The following SHROOM3 variants were observed in gnomAD, a reference collection of about 807,000 sequenced individuals.
SHROOM3 encodes shroom family member 3.
Under a neutral mutation model 138.6 loss-of-function variants are expected in SHROOM3, and 47 were observed. The observed-to-expected ratio is 0.34, with a 90% CI of 0.27 to 0.43. SHROOM3 has a LOEUF of 0.43. SHROOM3 is among the 20% of genes least tolerant of loss of function. The pLI is 1.00. For synonymous variants in SHROOM3, 1,062 were observed against 1,063.3 expected, an observed-to-expected ratio of 1.00 and a Z score of 0.02; for missense variants, 2,491 against 2,596.5, an observed-to-expected ratio of 0.96 and a Z score of 0.88.
chr4:76,763,125 C>G (rs1722038299), intron 9 of SHROOM3, among the ~76,000 whole-genome samples: 1 of 152,176 alleles, frequency 6.6e-6, no homozygotes. Flanking sequence ...GTGGCTCACA[C>G]CTGTAATCCC....
chr4:76,458,650 A>G (rs1300671252), intron 1 of SHROOM3, among the ~76,000 whole-genome samples: 33 of 152,160 alleles, frequency 2.2e-4, no homozygotes, highest in Admixed American at 2.2e-3. Flanking sequence ...CTACACATAT[A>G]CTTTTAAGAA....
intron 2 of SHROOM3, among the ~76,000 whole-genome samples, chr4:76,635,818 T>C (rs927275332): frequency 6.6e-6 from 1 of 152,170 alleles, no homozygotes. Flanking sequence ...ATCATCAGGG[T>C]TGGCAAAAGC....
chr4:76,572,679 A>G (rs1414944167), intron 2 of SHROOM3, among the ~76,000 whole-genome samples: 1 of 152,360 alleles, frequency 6.6e-6, no homozygotes, highest in Admixed American at 6.5e-5. Flanking sequence ...GGCATGTTTT[A>G]GGGGCAGCTC....
intron 1 of SHROOM3, among the ~76,000 whole-genome samples, chr4:76,491,064 C>G (rs918107122): frequency 2.6e-5 from 4 of 152,162 alleles, no homozygotes; most frequent in African/African-American, 9.7e-5. Flanking sequence ...GATGGTTTGG[C>G]AACTTTTGAA....
chr4:76,741,144 G>A lies in SHROOM3; in HGVS notation c.2971G>A (p.Ala991Thr). 3 of 1,563,770 alleles carry A rather than the reference G, an allele frequency of 1.9e-6. No homozygotes were observed. The highest frequency in any genetic ancestry group is 2.6e-6 in the Non-Finnish European group (3 of 1,155,402). The change falls in exon 5 of 11, where the codon GCT (alanine) becomes ACT (threonine). Residue 991 changes from alanine to threonine, a missense_variant. This residue lies in a region of SHROOM3 where 1,733 missense variants were observed against 1,661.6 expected (regional missense o/e 1.04). Transcript: ENST00000296043. The surrounding 1 kb of genome is among the most constrained non-coding windows in gnomAD (Gnocchi z 6.2). ...CCGGGAGCGGCACAGCGTGACCCCT[G>A]CTGAGGGCGACCTGGCCAGGCCCGT... ...TPRERHSVTP[A>T]EGDLARPVPP...
intron 9 of SHROOM3, among the ~76,000 whole-genome samples, chr4:76,767,291 C>G (rs1298976904): frequency 6.6e-6 from 1 of 152,156 alleles, no homozygotes; most frequent in African/African-American, 2.4e-5. Context: ...TGAGTTCTCT[C>G]CTCTCATCAC....
At chr4:76,531,281 A>G (rs979678067) in intron 1 of SHROOM3, among the ~76,000 whole-genome samples, 1 of 152,192 alleles carries the variant, frequency 6.6e-6, no homozygotes, top group African/African-American at 2.4e-5. Flanking sequence ...CCAAATAAAA[A>G]AATATATAAA....
intron 1 of SHROOM3, among the ~76,000 whole-genome samples, chr4:76,468,307 T>C (rs1731289312): frequency 6.6e-6 from 1 of 152,194 alleles, no homozygotes; most frequent in South Asian, 2.1e-4. Context: ...GAATTACAAA[T>C]TCACATTTTC....
intron 2 of SHROOM3, among the ~76,000 whole-genome samples, chr4:76,708,501 C>A (rs759064587): frequency 1.3e-5 from 2 of 152,118 alleles, no homozygotes; most frequent in South Asian, 2.1e-4. Context: ...TTTCCCCCAA[C>A]AAACAAAGTT....
chr4:76,770,868 C>T lies in SHROOM3; in HGVS notation c.5592C>T (p.Gly1864=), dbSNP rs1722336503. Residue 1864 remains glycine (G), a synonymous_variant, in exon 10 of 11, where the codon GGC becomes GGT. Coordinates refer to ENST00000296043, the MANE Select transcript of SHROOM3 (RefSeq NM_020859.4). ...RLARVENVLS[G]LGEDASNEER... ...CCCGTGTTGAGAATGTCCTTAGCGG[C>T]CTTGGTGAAGATGCCAGTAATGAAG... 3 of 1,614,192 alleles carry T rather than the reference C, an allele frequency of 1.9e-6. No homozygotes were observed. Among genetic ancestry groups the T allele is most frequent in the East Asian group, 4.5e-5 (2 of 44,884 alleles).
intron 2 of SHROOM3, among the ~76,000 whole-genome samples, chr4:76,700,787 T>G (rs939591972): frequency 1.3e-5 from 2 of 151,882 alleles, no homozygotes; most frequent in Admixed American, 6.6e-5. Context: ...TTTTATTTAT[T>G]TATTTATTTT....
At chr4:76,491,331 T>C (rs1731845379) in intron 1 of SHROOM3, among the ~76,000 whole-genome samples, 1 of 152,214 alleles carries the variant, frequency 6.6e-6, no homozygotes, top group Non-Finnish European at 1.5e-5. Context: ...TCTTGGCCTG[T>C]GTTGGTGGCA....
intron 6 of SHROOM3, among the ~76,000 whole-genome samples, chr4:76,750,648 C>G (rs995773139): frequency 6.6e-6 from 1 of 152,106 alleles, no homozygotes; most frequent in African/African-American, 2.4e-5. Context: ...TGTACATGTA[C>G]TCCTTGAACC....
At chr4:76,585,508 C>G (rs1734134463) in intron 2 of SHROOM3, among the ~76,000 whole-genome samples, 1 of 152,146 alleles carries the variant, frequency 6.6e-6, no homozygotes, top group African/African-American at 2.4e-5. Context: ...CACTACTTAT[C>G]CATACAGCTG....
At chr4:76,661,865 C>A (rs961806616) in intron 2 of SHROOM3, among the ~76,000 whole-genome samples, 1 of 152,094 alleles carries the variant, frequency 6.6e-6, no homozygotes, top group South Asian at 2.1e-4. Context: ...TTTTTGTAGA[C>A]ATGTGTTTTC....
chr4:76,457,428 G>T (rs1460313779), intron 1 of SHROOM3, among the ~76,000 whole-genome samples: 1 of 151,928 alleles, frequency 6.6e-6, no homozygotes, highest in Non-Finnish European at 1.5e-5. Context: ...CTCTGCAGAA[G>T]TAAAAGCTGC....
intron 2 of SHROOM3, among the ~76,000 whole-genome samples, chr4:76,656,395 T>G (rs191878744): frequency 2.6e-4 from 40 of 152,330 alleles, no homozygotes; most frequent in African/African-American, 9.6e-4. Context: ...ATTACAGGTA[T>G]TTATAATATT....
At chr4:76,635,796 G>A (rs1427844005) in intron 2 of SHROOM3, among the ~76,000 whole-genome samples, 4 of 152,200 alleles carry the variant, frequency 2.6e-5, no homozygotes. Flanking sequence ...CTTGAGATGT[G>A]AGGTCCTCTG....
chr4:76,745,718 C>G (rs1024328357), intron 5 of SHROOM3, among the ~76,000 whole-genome samples: 3 of 152,198 alleles, frequency 2.0e-5, no homozygotes, highest in Non-Finnish European at 4.4e-5. Flanking sequence ...CAGTGGTGCA[C>G]ACCTGTAATC....
Sources: gnomAD v4.1 joint callset for allele counts (sites outside exome capture counted in the v4.1 genomes callset) on GRCh38, gnomAD v4.1.1 for gene constraint, gnomAD v4.1.1 regional missense constraint, Gnocchi (gnomAD v3.1) non-coding constraint, MANE v1.5 for transcripts, NCBI Gene and HGNC (gene_info 2026-07-23, HGNC 2026-07-21) for gene names.